ROBO1: variants seen among roughly 807,000 people sequenced by gnomAD.
The protein encoded by ROBO1 is roundabout guidance receptor 1.
A neutral mutation model predicts 195.9 loss-of-function variants in ROBO1; 149 were observed. The observed-to-expected ratio is 0.76, with a 90% CI of 0.67 to 0.87. The LOEUF (loss-of-function observed/expected upper bound fraction) is 0.87. Ranked by LOEUF, ROBO1 falls within the 40% of genes least tolerant of loss-of-function variation. The pLI is 0.00. For missense variants in ROBO1, 1,933 were observed against 2,068.3 expected (o/e 0.93, Z 1.27); for synonymous variants, 816 against 733.2 (o/e 1.11, Z -1.82).
intron 4 of ROBO1, among the ~76,000 whole-genome samples, chr3:78,810,432 T>A (rs1385831259): frequency 6.6e-6 from 1 of 152,102 alleles, no homozygotes; most frequent in Non-Finnish European, 1.5e-5. Flanking sequence ...TGAAAAAAAA[T>A]TCTCTTAGAA....
At chr3:79,364,040 TA>T (rs1577024193) in intron 2 of ROBO1, among the ~76,000 whole-genome samples, 1 of 151,752 alleles carries the variant, frequency 6.6e-6, no homozygotes, top group Non-Finnish European at 1.5e-5. Flanking sequence ...CCGTCTCTAC[TA>T]AAAATACAAA....
chr3:78,989,473 G>A (rs2077186363), intron 3 of ROBO1, among the ~76,000 whole-genome samples: 1 of 152,150 alleles, frequency 6.6e-6, no homozygotes, highest in Non-Finnish European at 1.5e-5. Flanking sequence ...AATTAGCTGG[G>A]CATGGTGGCG....
At chr3:79,534,181 A>C (rs1481217442) in intron 2 of ROBO1, among the ~76,000 whole-genome samples, 4 of 140,496 alleles carry the variant, frequency 2.8e-5, no homozygotes, top group Admixed American at 2.2e-4. Context: ...AAAAAAATCA[A>C]TTCTTCACCA....
At chr3:79,521,700 G>A (rs1412942407) in intron 2 of ROBO1, among the ~76,000 whole-genome samples, 2 of 152,132 alleles carry the variant, frequency 1.3e-5, no homozygotes, top group Admixed American at 1.3e-4. Context: ...TTTAGCAGAT[G>A]TTTTGAAAAT....
intron 1 of ROBO1, among the ~76,000 whole-genome samples, chr3:79,623,307 C>T (rs1039753831): frequency 7.9e-5 from 12 of 152,178 alleles, no homozygotes; most frequent in African/African-American, 2.2e-4. Flanking sequence ...ACAATCGCAA[C>T]GTCTCTCATT....
chr3:79,678,104 A>G (rs1412053335), intron 1 of ROBO1, among the ~76,000 whole-genome samples: 1 of 152,090 alleles, frequency 6.6e-6, no homozygotes, highest in East Asian at 1.9e-4. Flanking sequence ...CACAGAGAGA[A>G]TATTCTAGAG....
intron 2 of ROBO1, among the ~76,000 whole-genome samples, chr3:79,445,290 T>C (rs1216650271): frequency 6.6e-6 from 1 of 151,826 alleles, no homozygotes; most frequent in Admixed American, 6.6e-5. Flanking sequence ...ATATTCAGTC[T>C]CATTATTTAA....
chr3:78,971,990 A>G (rs960026618), intron 3 of ROBO1, among the ~76,000 whole-genome samples: 3 of 152,034 alleles, frequency 2.0e-5, no homozygotes, highest in South Asian at 2.1e-4. Flanking sequence ...CTGGTCTCGA[A>G]CTCCTGACCT....
At chr3:78,653,602 G>C (rs1459116829) in intron 18 of ROBO1, among the ~76,000 whole-genome samples, 1 of 152,116 alleles carries the variant, frequency 6.6e-6, no homozygotes, top group African/African-American at 2.4e-5. Context: ...CTGTCTCATG[G>C]GTCTGTGAGT....
At chr3:78,608,827 G>T (rs1210755359) in intron 28 of ROBO1, among the ~76,000 whole-genome samples, 3 of 152,102 alleles carry the variant, frequency 2.0e-5, no homozygotes, top group Non-Finnish European at 4.4e-5. Context: ...ATGACTTTTA[G>T]GATTTTTGTC....
At chr3:79,599,578 T>A (rs1944278773) in intron 1 of ROBO1, among the ~76,000 whole-genome samples, 2 of 151,796 alleles carry the variant, frequency 1.3e-5, no homozygotes, top group Non-Finnish European at 2.9e-5. Context: ...AAAGAATCGA[T>A]GGCAAATCAA....
At chr3:79,339,300 C>A (rs78065974) in intron 2 of ROBO1, among the ~76,000 whole-genome samples, 4,853 of 152,144 alleles carry the variant, frequency 0.032, 100 homozygotes, top group Non-Finnish European at 0.053. Flanking sequence ...TAAATAAAAC[C>A]CAAAATCTTT....
intron 4 of ROBO1, among the ~76,000 whole-genome samples, chr3:78,855,634 C>T (rs2034367439): frequency 6.6e-6 from 1 of 152,144 alleles, no homozygotes; most frequent in Non-Finnish European, 1.5e-5. Flanking sequence ...TATTATGTGT[C>T]TTTAAACTTT....
chr3:79,559,185 G>A (rs1390935193), intron 2 of ROBO1, among the ~76,000 whole-genome samples: 3 of 152,096 alleles, frequency 2.0e-5, no homozygotes, highest in Admixed American at 1.3e-4. Context: ...CTGATGTACC[G>A]ACTTAGCTTT....
intron 2 of ROBO1, among the ~76,000 whole-genome samples, chr3:79,584,216 TAATA>T (rs1943745921): frequency 6.7e-6 from 1 of 149,404 alleles, no homozygotes; most frequent in Non-Finnish European, 1.5e-5. Context: ...ATGCATATAT[TAATA>T]GATATACATG....
intron 3 of ROBO1, among the ~76,000 whole-genome samples, chr3:79,102,223 A>G (rs1227218295): frequency 6.6e-6 from 1 of 151,852 alleles, no homozygotes; most frequent in Non-Finnish European, 1.5e-5. Context: ...CAAAGGATGT[A>G]TAATTTTGTA....
At chr3:79,086,112 GTT>G (rs35422051) in intron 3 of ROBO1, among the ~76,000 whole-genome samples, 5 of 142,696 alleles carry the variant, frequency 3.5e-5, no homozygotes, top group Admixed American at 1.4e-4. Flanking sequence ...AACAAATGGA[GTT>G]TTTTTTTTTT....
At chr3:78,767,613 G>C (rs1012244200) in intron 4 of ROBO1, among the ~76,000 whole-genome samples, 2 of 152,094 alleles carry the variant, frequency 1.3e-5, no homozygotes, top group African/African-American at 4.8e-5. Flanking sequence ...CTTGTTGTTG[G>C]TCTGTTCAGG....
chr3:79,173,325 G>C (rs2081199931), intron 2 of ROBO1, among the ~76,000 whole-genome samples: 1 of 152,168 alleles, frequency 6.6e-6, no homozygotes, highest in African/African-American at 2.4e-5. Flanking sequence ...TCAGCTTGCG[G>C]GGAGGTGTGG....
Sources: gnomAD v4.1 joint callset for allele counts (sites outside exome capture counted in the v4.1 genomes callset) on GRCh38, gnomAD v4.1.1 for gene constraint, MANE v1.5 for transcripts, NCBI Gene and HGNC (gene_info 2026-07-23, HGNC 2026-07-21) for gene names.